The following CENPS variants were observed in gnomAD, a reference collection of about 807,000 sequenced individuals.
The protein encoded by CENPS is FANCM associated histone fold protein 1.
A neutral mutation model predicts 17.9 loss-of-function variants in CENPS; 16 were observed. The ratio of observed to expected loss-of-function variants is 0.90; its 90% CI spans 0.61 to 1.36. The LOEUF is 1.36. Ranked by LOEUF, CENPS falls within the 40% of genes most tolerant of loss-of-function variation. The pLI, the probability that CENPS is intolerant of heterozygous loss-of-function variation, is 0.00. For synonymous variants in CENPS, 49 were observed against 55.8 expected (o/e 0.88, Z 0.54); for missense variants, 160 against 158.6 (o/e 1.01, Z -0.05).
chr1:10,434,618 G>A, intron 2 of CENPS, 39 bp from the exon 3 acceptor site: 1 of 1,601,876 alleles, frequency 6.2e-7, no homozygotes, highest in Non-Finnish European at 8.5e-7. Flanking sequence ...AATTAGATGG[G>A]AGGGTGCCTA....
Position 10,433,955 on chromosome 1 carries a change from C to G in CENPS, c.165C>G (p.Phe55Leu). The change falls in exon 2 of 5, where the codon TTC becomes TTG. Residue 55 changes from phenylalanine to leucine, a missense_variant. Transcript: ENST00000309048. ...QTIAAISELT[F>L]RQCENFAKDL... ...TTGCGGCCATTTCGGAGCTGACTTTCCGACAGTGTGGTATGAAGCTTCGGC... is the reference window on the plus strand; with the variant it reads ...TTGCGGCCATTTCGGAGCTGACTTTGCGACAGTGTGGTATGAAGCTTCGGC... The G allele has an allele frequency of 1.9e-6, 3 of 1,614,174 alleles. No individual in the cohort carries two copies. The highest frequency in any genetic ancestry group is 2.5e-6 in the Non-Finnish European group (3 of 1,180,028).
chr1:10,440,565 C>T, intron 4 of CENPS, 152 bp downstream of exon 4: 1 of 1,065,784 alleles, frequency 9.4e-7, no homozygotes, highest in Non-Finnish European at 1.3e-6. Flanking sequence ...AATTTACAGT[C>T]TTGCTTTCAT....
At chr1:10,435,714 T>TAC (rs1375921138) in intron 3 of CENPS, among the ~76,000 whole-genome samples, 200 of 144,218 alleles carry the variant, frequency 1.4e-3, no homozygotes, top group African/African-American at 5.0e-3. Context: ...TATATATATA[T>TAC]ATACACACAC....
chr1:10,430,638 G>T, intron 1 of CENPS, 70 bp downstream of exon 1: 1 of 1,484,158 alleles, frequency 6.7e-7, no homozygotes, highest in Non-Finnish European at 9.0e-7. Context: ...AAAAGTACCC[G>T]GCAGCCCCCG....
intron 1 of CENPS, chr1:10,430,921 T>C: frequency 7.9e-7 from 1 of 1,258,012 alleles, no homozygotes; most frequent in African/African-American, 1.6e-5. Context: ...ACATTCCAGG[T>C]GACGCCCGTA....
chr1:10,441,025 C>T (rs551296896), intron 4 of CENPS, among the ~76,000 whole-genome samples: 4 of 152,336 alleles, frequency 2.6e-5, no homozygotes, highest in African/African-American at 4.8e-5. Flanking sequence ...GCTTTTGTCT[C>T]TTTGTTCTCT....
Position 10,442,397 on chromosome 1 carries a change from G to A in CENPS, c.409G>A (p.Glu137Lys), listed in dbSNP as rs146240548. ...QPAEAGVVESEN is the reference protein window; with the variant it reads ...QPAEAGVVESKN ...AGCAGAGGCTGGAGTGGTGGAAAGT[G>A]AGAATTAAAGTCCCTCGCCGCTTGG... Residue 137 changes from glutamate (E) to lysine (K), a missense_variant, in exon 5 of 5, where the codon GAG (glutamate) becomes AAG (lysine). Transcript: ENST00000309048. The A allele has an allele frequency of 1.5e-3, 2,429 of 1,580,000 alleles. 11 individuals are homozygous for A. Among genetic ancestry groups the A allele is most frequent in the Middle Eastern group, 4.9e-3 (29 of 5,960 alleles).
chr1:10,435,710 T>TACACACACACAC lies in CENPS; in HGVS notation c.209+1021_209+1022insCACACACACACA, dbSNP rs778086497. On this transcript the variant is annotated intron_variant, in intron 3 of 4. Transcript: ENST00000309048. ...TTTAAATACTTAAAAATAATATATA[T>TACACACACACAC]ATATATACACACACACACACACACA... 3.5e-3 allele frequency among the ~76,000 whole-genome samples: 498 copies of TACACACACACAC among 143,532 alleles called. 4 individuals carry two copies. The highest frequency in any genetic ancestry group is 0.012 in the African/African-American group (478 of 38,374). 94.2% of individuals were successfully genotyped at this position (143,532 alleles called of 152,430 possible). A position where few individuals can be genotyped will look rare whatever the true frequency, so the allele number is the denominator to read the frequency against.
At chr1:10,438,663 A>G (rs1296571920) in intron 3 of CENPS, among the ~76,000 whole-genome samples, 1 of 152,034 alleles carries the variant, frequency 6.6e-6, no homozygotes, top group African/African-American at 2.4e-5. Context: ...TTGACTTAGG[A>G]GAGTCTGTGA....
chr1:10,440,437 A>G (rs1419371709), intron 4 of CENPS, 24 bp downstream of exon 4: 1 of 1,612,390 alleles, frequency 6.2e-7, no homozygotes, highest in Non-Finnish European at 8.5e-7. Context: ...TTCTTTCCTC[A>G]CTCCCCTTTC....
At chr1:10,436,414 T>C (rs1398657176) in intron 3 of CENPS, among the ~76,000 whole-genome samples, 1 of 150,856 alleles carries the variant, frequency 6.6e-6, no homozygotes, top group Non-Finnish European at 1.5e-5. Context: ...TAAAAGTGTT[T>C]GTGGAGGCCG....
chr1:10,431,066 C>T (rs1033395187), intron 1 of CENPS: 17 of 1,366,854 alleles, frequency 1.2e-5, no homozygotes, highest in African/African-American at 1.5e-5. Context: ...AATCTCTGCC[C>T]CGCCAACTTG....
intron 1 of CENPS, 59 bp downstream of exon 1, chr1:10,430,627 G>A (rs1056254382): frequency 6.6e-7 from 1 of 1,506,240 alleles, no homozygotes; most frequent in Non-Finnish European, 8.9e-7. Flanking sequence ...TTTCTGGACA[G>A]AAAAGTACCC....
At chr1:10,436,854 A>G (rs532250262) in intron 3 of CENPS, among the ~76,000 whole-genome samples, 2 of 152,140 alleles carry the variant, frequency 1.3e-5, no homozygotes, top group Non-Finnish European at 2.9e-5. Flanking sequence ...TCTTAGCACA[A>G]CCCACAAGTA....
chr1:10,432,387 T>C (rs1443313225), intron 1 of CENPS, among the ~76,000 whole-genome samples: 2 of 152,196 alleles, frequency 1.3e-5, no homozygotes, highest in Non-Finnish European at 2.9e-5. Context: ...GCCCGGCCTG[T>C]TCTTAGTCCC....
chr1:10,440,854 C>T (rs1570054986), intron 4 of CENPS, among the ~76,000 whole-genome samples: 1 of 148,772 alleles, frequency 6.7e-6, no homozygotes, highest in Admixed American at 6.8e-5. Context: ...ACCAAGCCTC[C>T]GTTGTTCAGG....
In CENPS at chr1:10,442,313, G is replaced by T; in HGVS notation, c.325G>T (p.Glu109Ter). Residue 109 changes from glutamate to a stop codon, truncating the protein, a stop_gained, in exon 5 of 5, where the codon GAA (glutamate) becomes TAA (stop). Coordinates refer to ENST00000309048, the MANE Select transcript of CENPS (RefSeq NM_199294.3). LOFTEE classifies it low-confidence loss of function (END_TRUNC). The part of the protein sequence containing the change: ...KSEEIAQINL[E>*]RKAQKKKKSE... ...TGAAGAGATTGCTCAGATTAACCTAGAACGAAAAGCACAGAAGAAAAAGAA... is the reference window on the plus strand; with the variant it reads ...TGAAGAGATTGCTCAGATTAACCTATAACGAAAAGCACAGAAGAAAAAGAA... 6.2e-7 allele frequency: 1 copy of T among 1,606,036 alleles called. No individual in the cohort carries two copies. The highest frequency in any genetic ancestry group is 1.8e-5 in the Admixed American group (1 of 57,112).
At chr1:10,440,441 C>G (rs943799644) in intron 4 of CENPS, 28 bp downstream of exon 4, 5 of 1,612,250 alleles carry the variant, frequency 3.1e-6, no homozygotes, top group Non-Finnish European at 3.4e-6. Context: ...TTCCTCACTC[C>G]CCTTTCCCAT....
chr1:10,433,813 C>A, intron 1 of CENPS, 29 bp from the exon 2 acceptor site: 1 of 1,613,568 alleles, frequency 6.2e-7, no homozygotes, highest in Non-Finnish European at 8.5e-7. Context: ...GCAGCCTTAC[C>A]CGTGAAATAT....
Sources: allele counts gnomAD v4.1 joint callset (sites outside exome capture counted in the v4.1 genomes callset), GRCh38; gene constraint gnomAD v4.1.1; transcripts MANE v1.5; gene names NCBI Gene and HGNC (gene_info 2026-07-23, HGNC 2026-07-21).